Variants in SETX observed in about 807,000 individuals in gnomAD.
The protein encoded by SETX is helicase senataxin.
SETX carries 90 observed loss-of-function variants against 227.2 expected under a neutral mutation model. The observed-to-expected ratio is 0.40, with a 90% confidence interval of 0.33 to 0.47. The LOEUF is 0.47. Among genes scored for constraint, SETX ranks in the 20% least tolerant of loss-of-function variants. The pLI is 0.91. For synonymous variants in SETX, 1,210 were observed against 1,113.2 expected (o/e 1.09, Z -1.73); for missense variants, 3,052 against 3,181.5 (o/e 0.96, Z 0.98).
intron 5 of SETX, among the ~76,000 whole-genome samples, chr9:132,339,460 TAAAAC>T (rs762223202): frequency 6.6e-6 from 1 of 152,100 alleles, no homozygotes; most frequent in African/African-American, 2.4e-5. Flanking sequence ...CTCAAAAAAA[TAAAAC>T]AAATCTTTCC....
chr9:132,296,351 G>C (rs901762059), intron 14 of SETX, among the ~76,000 whole-genome samples: 3 of 152,064 alleles, frequency 2.0e-5, no homozygotes, highest in Non-Finnish European at 4.4e-5. Context: ...TCAGGAGCTC[G>C]AGACCAGCCT....
intron 7 of SETX, 43 bp downstream of exon 7, chr9:132,334,565 T>C: frequency 6.2e-7 from 1 of 1,608,750 alleles, no homozygotes; most frequent in Non-Finnish European, 8.5e-7. Context: ...AAGTGCATCA[T>C]CATCACTATA....
intron 10 of SETX, among the ~76,000 whole-genome samples, chr9:132,322,029 A>G (rs182526748): frequency 5.9e-5 from 9 of 152,000 alleles, no homozygotes; most frequent in Non-Finnish European, 8.8e-5. Context: ...AAACCTTACC[A>G]TGAAGAATGA....
At chr9:132,278,437 C>CTTTTTTTTTTTTTTTTTTT (rs67558000) in intron 20 of SETX, among the ~76,000 whole-genome samples, 180 bp from the exon 21 acceptor site, 1 of 84,832 alleles carries the variant, frequency 1.2e-5, no homozygotes, top group Non-Finnish European at 2.5e-5. Flanking sequence ...TGCCATGAAT[C>CTTTTTTTTTTTTTTTTTTT]TTTTTTTTTT....
At chr9:132,305,375 T>C (rs1473741093) in intron 11 of SETX, among the ~76,000 whole-genome samples, 1 of 142,104 alleles carries the variant, frequency 7.0e-6, no homozygotes, top group Non-Finnish European at 1.5e-5. Flanking sequence ...AAAAAAACTA[T>C]TTCGAACAAA....
chr9:132,298,869 G>A (rs988220300), intron 12 of SETX, among the ~76,000 whole-genome samples: 1 of 152,116 alleles, frequency 6.6e-6, no homozygotes, highest in African/African-American at 2.4e-5. Flanking sequence ...GACTCTGAAC[G>A]CTATTCAGGA....
intron 15 of SETX, 56 bp downstream of exon 15, chr9:132,295,816 G>A (rs1387493987): frequency 6.6e-7 from 1 of 1,510,144 alleles, no homozygotes. Flanking sequence ...ATTCAAAGTT[G>A]CCTACACTTA....
At chr9:132,312,114 C>T (rs1413850948) in intron 10 of SETX, among the ~76,000 whole-genome samples, 2 of 152,244 alleles carry the variant, frequency 1.3e-5, no homozygotes, top group Admixed American at 1.3e-4. Context: ...ACTAGTCACA[C>T]TTGCAGTGCT....
intron 15 of SETX, among the ~76,000 whole-genome samples, chr9:132,293,351 A>T (rs1439837872): frequency 6.6e-6 from 1 of 152,200 alleles, no homozygotes; most frequent in Non-Finnish European, 1.5e-5. Flanking sequence ...GGACCACAGG[A>T]AATAGTGAAA....
At chr9:132,324,371 A>T (rs1462325891) in intron 10 of SETX, among the ~76,000 whole-genome samples, 1 of 152,244 alleles carries the variant, frequency 6.6e-6, no homozygotes, top group Admixed American at 6.5e-5. Context: ...GCTTTATAAA[A>T]GCCATTTATC....
At chr9:132,295,732 C>T (rs1027534514) in intron 15 of SETX, 140 bp downstream of exon 15, 1 of 824,434 alleles carries the variant, frequency 1.2e-6, no homozygotes, top group African/African-American at 1.7e-5. Flanking sequence ...CAATGAAATA[C>T]TTGCTAAATG....
intron 17 of SETX, among the ~76,000 whole-genome samples, chr9:132,287,636 C>T (rs1843990194): frequency 6.6e-6 from 1 of 151,870 alleles, no homozygotes; most frequent in Non-Finnish European, 1.5e-5. Context: ...AGAAACCAAC[C>T]ATATGGCTTG....
chr9:132,320,640 C>G (rs1448669809), intron 10 of SETX, among the ~76,000 whole-genome samples: 1 of 149,808 alleles, frequency 6.7e-6, no homozygotes, highest in Admixed American at 6.7e-5. Context: ...ACCTTAATAC[C>G]ACCAATAATT....
chr9:132,308,191 A>C (rs1845444062), intron 11 of SETX, among the ~76,000 whole-genome samples: 1 of 152,230 alleles, frequency 6.6e-6, no homozygotes, highest in African/African-American at 2.4e-5. Context: ...GATTATCAGA[A>C]AAAGAAACCA....
chr9:132,333,416 TACAC>T (rs764524464), intron 7 of SETX, among the ~76,000 whole-genome samples: 2,286 of 87,518 alleles, frequency 0.026, 213 homozygotes, highest in African/African-American at 0.053. Flanking sequence ...AAAATATATA[TACAC>T]ACACACACAC....
At position 132,307,822 on chromosome 9, in the gene SETX, G is replaced by C. The variant is rs1845421930; in HGVS notation, c.5374+3935C>G. 2.0e-5 allele frequency among the ~76,000 whole-genome samples: 3 copies of C among 152,176 alleles called. No individual in the cohort carries two copies. The South Asian group carries it at 6.2e-4, about 32-fold the overall frequency. On this transcript the variant is annotated intron_variant, in intron 11 of 25. Transcript: ENST00000224140. ...GCCTCCCTAGTAGCTGGGACTACAG[G>C]TATGCGCCACCATGCCCAGCTGATT...
chr9:132,328,199 T>A lies in SETX; in HGVS notation c.3399A>T (p.Lys1133Asn). 2.5e-6 allele frequency: 4 copies of A among 1,614,154 alleles called. No individual in the cohort carries two copies. The highest frequency in any genetic ancestry group is 2.2e-5 in the South Asian group (2 of 91,086). The change falls in exon 10 of 26, where the codon AAA (lysine) becomes AAT (asparagine). Residue 1133 changes from lysine to asparagine, a missense_variant. This residue lies in a region of SETX where 1,483 missense variants were observed against 1,312.0 expected (regional missense o/e 1.13). Transcript: ENST00000224140. The stretch of plus-strand genomic sequence containing the variant: ...TGTGTTCTTCAATGCCCTCTGCTCC[T>A]TTTTTAACAACTTCAGATACATAAT... ...CTDYVSEVVK[K>N]GAEGIEEHTR...
chr9:132,271,072 T>C (rs889355145), intron 24 of SETX, among the ~76,000 whole-genome samples: 1 of 152,222 alleles, frequency 6.6e-6, no homozygotes, highest in African/African-American at 2.4e-5. Context: ...CTGTCACTCA[T>C]ACAGGTGTCC....
At chr9:132,291,039 A>C (rs905178660) in intron 15 of SETX, among the ~76,000 whole-genome samples, 1 of 152,072 alleles carries the variant, frequency 6.6e-6, no homozygotes, top group Non-Finnish European at 1.5e-5. Flanking sequence ...GCACATAATA[A>C]ATACAATGAT....
Sources: gnomAD v4.1 joint callset for allele counts (sites outside exome capture counted in the v4.1 genomes callset) on GRCh38, gnomAD v4.1.1 for gene constraint, gnomAD v4.1.1 regional missense constraint, MANE v1.5 for transcripts, NCBI Gene and HGNC (gene_info 2026-07-23, HGNC 2026-07-21) for gene names.